CR1L: variants seen among roughly 807,000 people sequenced by gnomAD.
The protein encoded by CR1L is complement C3b/C4b receptor 1 like.
Under a neutral mutation model 62.3 loss-of-function variants are expected in CR1L, and 59 were observed. That is an observed-to-expected ratio of 0.95 (90% CI 0.77 to 1.18). The LOEUF is 1.18. Among genes scored for constraint, CR1L ranks in the 50% most tolerant of loss-of-function variants. CR1L has a pLI of 0.00. For synonymous variants in CR1L, 279 were observed against 248.7 expected, an observed-to-expected ratio of 1.12 and a Z score of -1.15; for missense variants, 700 against 702.8, an observed-to-expected ratio of 1.00 and a Z score of 0.04.
At chr1:207,645,714 C>CT (rs1663112335) in intron 1 of CR1L, among the ~76,000 whole-genome samples, 1 of 152,132 alleles carries the variant, frequency 6.6e-6, no homozygotes, top group African/African-American at 2.4e-5. Flanking sequence ...GTGCTGTGCC[C>CT]GTGGTGAGAG....
intron 3 of CR1L, among the ~76,000 whole-genome samples, chr1:207,679,329 C>T (rs1663759558): frequency 6.6e-6 from 1 of 151,884 alleles, no homozygotes; most frequent in African/African-American, 2.4e-5. Flanking sequence ...TCAATAAGGA[C>T]ACCAGTCATA....
intron 1 of CR1L, among the ~76,000 whole-genome samples, chr1:207,658,012 C>A (rs11118278): frequency 3.3e-5 from 5 of 151,876 alleles, no homozygotes; most frequent in Admixed American, 6.5e-5. Context: ...GAAAAGTATA[C>A]AAGACACTCC....
At chr1:207,656,394 A>T (rs1033864653) in intron 1 of CR1L, among the ~76,000 whole-genome samples, 1 of 152,200 alleles carries the variant, frequency 6.6e-6, no homozygotes, top group Non-Finnish European at 1.5e-5. Context: ...AGTTAAGCAT[A>T]TTTTCTCATT....
At chr1:207,669,332 C>G in intron 1 of CR1L, 1 of 701,646 alleles carries the variant, frequency 1.4e-6, no homozygotes. Context: ...GCAGCCCTCC[C>G]CATGCTCTGG....
At position 207,688,588 on chromosome 1, in the gene CR1L, G is replaced by T. The variant is rs553360483; in HGVS notation, c.463+4631G>T. Among the ~76,000 whole-genome samples the T allele has an allele frequency of 6.6e-5, 10 of 152,190 alleles. No individual in the cohort carries two copies. The East Asian group carries it at 7.7e-4, about 12-fold the overall frequency. The stretch of plus-strand genomic sequence containing the variant: ...ACTTTGCATTACCATATAAAATTTA[G>T]AATCAGCTTGTCAATTTCCACAAAA... On this transcript the variant is annotated intron_variant, in intron 4 of 11. Transcript: ENST00000508064.
intron 1 of CR1L, among the ~76,000 whole-genome samples, chr1:207,647,098 T>C (rs1192972643): frequency 1.1e-4 from 17 of 152,340 alleles, no homozygotes; most frequent in Non-Finnish European, 2.2e-4. Flanking sequence ...GGGAACACAG[T>C]AGGCAATCAA....
intron 1 of CR1L, among the ~76,000 whole-genome samples, chr1:207,651,137 C>G (rs1663217298): frequency 6.6e-6 from 1 of 152,094 alleles, no homozygotes; most frequent in African/African-American, 2.4e-5. Context: ...GGGGAAATTT[C>G]TGACTGCACC....
At chr1:207,658,035 G>C (rs1663345213) in intron 1 of CR1L, among the ~76,000 whole-genome samples, 1 of 152,170 alleles carries the variant, frequency 6.6e-6, no homozygotes, top group Non-Finnish European at 1.5e-5. Context: ...AATAATCCAT[G>C]CATAAAAATA....
chr1:207,677,398 A>G lies in CR1L; in HGVS notation c.107A>G (p.Asn36Ser), dbSNP rs183894980. The change falls in exon 2 of 12, where the codon AAT (asparagine) becomes AGT (serine). Residue 36 changes from asparagine to serine, a missense_variant. By Grantham distance (46) the Asn-to-Ser change is conservative. Coordinates refer to ENST00000508064, the MANE Select transcript of CR1L (RefSeq NM_175710.2). Reference sequence around the variant, plus strand: ...TGGTCTTGATCCCCAGATCAATGCAATGTCCCGGAATGGCTTCCATTTGCC... The same window carrying G: ...TGGTCTTGATCCCCAGATCAATGCAGTGTCCCGGAATGGCTTCCATTTGCC... ...LLLSSFSDQC[N>S]VPEWLPFARP... The G allele has an allele frequency of 8.4e-4, 1,351 of 1,609,588 alleles. No homozygotes were observed. The highest frequency in any genetic ancestry group is 1.0e-3 in the Non-Finnish European group (1,192 of 1,178,128).
chr1:207,705,419 G>A lies in CR1L; in HGVS notation c.1329-2759G>A, dbSNP rs921334786. Reference sequence around the variant, plus strand: ...GGTGCTCACAGCGCATGGTCCAGCTGTTGGTGCTCACCCTTGCTCAGCACA... The same window carrying A: ...GGTGCTCACAGCGCATGGTCCAGCTATTGGTGCTCACCCTTGCTCAGCACA... On this transcript the variant is annotated intron_variant, in intron 9 of 11. Transcript: ENST00000508064. Among the ~76,000 whole-genome samples the A allele has an allele frequency of 2.6e-5, 4 of 152,206 alleles. No individual in the cohort carries two copies. In the South Asian group the frequency reaches 6.2e-4, roughly 24 times the overall value.
intron 1 of CR1L, among the ~76,000 whole-genome samples, chr1:207,668,279 A>C (rs1342543334): frequency 6.6e-6 from 1 of 151,196 alleles, no homozygotes; most frequent in Non-Finnish European, 1.5e-5. Flanking sequence ...AGTGTTCACC[A>C]ATGGACGAAT....
At chr1:207,706,746 A>G (rs144634399) in intron 9 of CR1L, among the ~76,000 whole-genome samples, 90 of 152,342 alleles carry the variant, frequency 5.9e-4, no homozygotes, top group African/African-American at 2.1e-3. Context: ...CAAAAATTGT[A>G]CCATTTAAGT....
intron 4 of CR1L, among the ~76,000 whole-genome samples, chr1:207,690,362 T>A (rs1329273156): frequency 6.6e-6 from 1 of 152,228 alleles, no homozygotes; most frequent in Non-Finnish European, 1.5e-5. Flanking sequence ...GGGCATTGCT[T>A]AATTTCTAAA....
intron 11 of CR1L, among the ~76,000 whole-genome samples, chr1:207,722,283 A>G (rs1654154613): frequency 8.7e-6 from 1 of 114,326 alleles, no homozygotes; most frequent in African/African-American, 3.0e-5. Context: ...TATGTCCTGA[A>G]TGGTAATGCC....
intron 1 of CR1L, among the ~76,000 whole-genome samples, chr1:207,645,963 G>T (rs1257941837): frequency 6.6e-6 from 1 of 152,082 alleles, no homozygotes; most frequent in Admixed American, 6.5e-5. Context: ...GAGCGAGCGC[G>T]GACTCTGCGG....
chr1:207,657,363 G>T, intron 1 of CR1L: 1 of 767,170 alleles, frequency 1.3e-6, no homozygotes, highest in Non-Finnish European at 2.3e-6. Flanking sequence ...TAAGTACTCT[G>T]GAAATATTTT....
At chr1:207,705,525 G>A (rs904923806) in intron 9 of CR1L, among the ~76,000 whole-genome samples, 3 of 152,182 alleles carry the variant, frequency 2.0e-5, no homozygotes, top group Middle Eastern at 3.2e-3. Context: ...TTGTGCCACC[G>A]CAACAAACAC....
At position 207,697,817 on chromosome 1, in the gene CR1L, G is replaced by A; in HGVS notation, c.1086G>A (p.Val362=). 6.2e-7 allele frequency: 1 copy of A among 1,613,956 alleles called. No homozygotes were observed. The highest frequency in any genetic ancestry group is 1.1e-5 in the South Asian group (1 of 91,080). ...TGGGCCAACTTCCTAATGGCCATGT[G>A]CTATTTCCACTTAATCTCCAGCTTG... The part of the protein sequence containing the change: ...DFLGQLPNGH[V]LFPLNLQLGA... The change falls in exon 7 of 12, where the codon GTG becomes GTA. Residue 362 remains valine (V), a synonymous_variant. Transcript: ENST00000508064.
intron 1 of CR1L, among the ~76,000 whole-genome samples, chr1:207,647,963 G>C (rs938118287): frequency 6.6e-6 from 1 of 152,080 alleles, no homozygotes; most frequent in East Asian, 1.9e-4. Flanking sequence ...AGTACATACA[G>C]CCTGGGCATC....
Sources: gnomAD v4.1 joint callset for allele counts (sites outside exome capture counted in the v4.1 genomes callset) on GRCh38, gnomAD v4.1.1 for gene constraint, MANE v1.5 for transcripts, NCBI Gene and HGNC (gene_info 2026-07-23, HGNC 2026-07-21) for gene names.